ANKRD11: variants seen among roughly 807,000 people sequenced by gnomAD.
ANKRD11 encodes the protein ankyrin repeat domain 11, also known as ankyrin repeat domain-containing protein 11.
A neutral mutation model predicts 195.7 loss-of-function variants in ANKRD11; 17 were observed. The ratio of observed to expected loss-of-function variants is 0.09; its 90% confidence interval spans 0.06 to 0.13. ANKRD11 has a LOEUF of 0.13. Among genes scored for constraint, ANKRD11 ranks in the 10% least tolerant of loss-of-function variants. ANKRD11 has a pLI of 1.00. For missense variants in ANKRD11, 3,735 were observed against 3,566.1 expected, an observed-to-expected ratio of 1.05 and a Z score of -1.21; for synonymous variants, 1,953 against 1,528.1, an observed-to-expected ratio of 1.28 and a Z score of -6.49.
chr16:89,441,376 C>G (rs983411922), intron 1 of ANKRD11, among the ~76,000 whole-genome samples: 1 of 152,140 alleles, frequency 6.6e-6, no homozygotes. Context: ...ATTACACAGA[C>G]TTTTTTAAGA....
chr16:89,391,692 G>A (rs1371764485), intron 2 of ANKRD11, among the ~76,000 whole-genome samples: 1 of 152,184 alleles, frequency 6.6e-6, no homozygotes, highest in East Asian at 1.9e-4. Context: ...CAATCACTGA[G>A]AGGACAAGCT....
intron 1 of ANKRD11, among the ~76,000 whole-genome samples, chr16:89,424,190 C>T (rs1047359907): frequency 6.6e-6 from 1 of 152,154 alleles, no homozygotes; most frequent in Non-Finnish European, 1.5e-5. Flanking sequence ...TGGCTCACAC[C>T]TATAATCCCA....
chr16:89,372,559 T>C (rs1444697099), intron 2 of ANKRD11, among the ~76,000 whole-genome samples: 1 of 152,184 alleles, frequency 6.6e-6, no homozygotes, highest in East Asian at 1.9e-4. Flanking sequence ...CAAGATGATG[T>C]TGGAGATTTA....
In ANKRD11 at chr16:89,284,794, C is replaced by A. The variant is rs773648685; in HGVS notation, c.1748G>T (p.Gly583Val). ...LTSESDYSSE[G>V]SSVESLKPVR... ...TGGCTTCAGCGATTCCACACTGGAG[C>A]CCTCAGAGGAGTAGTCAGACTCGCT... The change falls in exon 9 of 13, where the codon GGC (glycine) becomes GTC (valine). Residue 583 changes from glycine to valine, a missense_variant. Transcript: ENST00000301030. 1.2e-6 allele frequency: 2 copies of A among 1,613,506 alleles called. No homozygotes were observed. Among genetic ancestry groups the A allele is most frequent in the African/African-American group, 2.7e-5 (2 of 74,888 alleles).
intron 2 of ANKRD11, among the ~76,000 whole-genome samples, chr16:89,387,402 G>T (rs559917920): frequency 3.4e-4 from 52 of 152,124 alleles, no homozygotes; most frequent in Non-Finnish European, 6.8e-4. Context: ...GCCGGGCGCG[G>T]TGGCTCACTC....
In ANKRD11 at chr16:89,487,730, C is replaced by T. The variant is rs774246911; in HGVS notation, c.-145+2515G>A. 2.0e-5 allele frequency among the ~76,000 whole-genome samples: 3 copies of T among 151,832 alleles called. No homozygotes were observed. In the South Asian group the frequency reaches 6.2e-4, roughly 32 times the overall value. Reference sequence around the variant, plus strand: ...CGGAGGTTGCAATGAGCCAAGATTGCGCCACTGCACTCCAGCCTGGGCGAC... The same window carrying T: ...CGGAGGTTGCAATGAGCCAAGATTGTGCCACTGCACTCCAGCCTGGGCGAC... On this transcript the variant is annotated intron_variant, in intron 1 of 12. Coordinates refer to ENST00000301030, the MANE Select transcript of ANKRD11 (RefSeq NM_013275.6).
intron 2 of ANKRD11, among the ~76,000 whole-genome samples, chr16:89,349,082 G>A (rs1405917399): frequency 8.0e-6 from 1 of 125,262 alleles, no homozygotes; most frequent in Non-Finnish European, 1.6e-5. Context: ...GAGTCTAGAT[G>A]GCACCACTGC....
At chr16:89,415,356 C>T (rs1200256656) in intron 2 of ANKRD11, among the ~76,000 whole-genome samples, 5 of 149,194 alleles carry the variant, frequency 3.4e-5, no homozygotes, top group Non-Finnish European at 7.4e-5. Context: ...GCTCCGCCTC[C>T]CAGGTTCACG....
intron 3 of ANKRD11, among the ~76,000 whole-genome samples, chr16:89,306,372 C>T (rs1190475633): frequency 3.1e-5 from 2 of 64,750 alleles, no homozygotes; most frequent in Non-Finnish European, 5.8e-5. Flanking sequence ...TCCGCAGACA[C>T]GCGCCACTTA....
intron 2 of ANKRD11, among the ~76,000 whole-genome samples, chr16:89,411,259 C>G (rs552437349): frequency 1.3e-5 from 2 of 152,238 alleles, no homozygotes; most frequent in African/African-American, 2.4e-5. Flanking sequence ...CCTTTTTGCT[C>G]TACTTCTCTT....
chr16:89,337,362 T>G (rs1225031040), intron 2 of ANKRD11, among the ~76,000 whole-genome samples: 9 of 145,136 alleles, frequency 6.2e-5, no homozygotes, highest in Middle Eastern at 3.5e-3. Context: ...GGATTTGCCA[T>G]CAGACACTCA....
chr16:89,432,482 C>A (rs1378873514), intron 1 of ANKRD11, among the ~76,000 whole-genome samples: 7 of 152,130 alleles, frequency 4.6e-5, no homozygotes. Flanking sequence ...AAACACCTTC[C>A]AGTTTAGGAG....
At chr16:89,319,935 C>G (rs28630389) in intron 2 of ANKRD11, 1 of 152,458 alleles carries the variant, frequency 6.6e-6, no homozygotes, top group Non-Finnish European at 1.5e-5. Flanking sequence ...CCCACACTGC[C>G]CTGTGTTCCC....
Position 89,280,186 on chromosome 16 carries a change from G to A in ANKRD11, c.6356C>T (p.Pro2119Leu). The change falls in exon 9 of 13, where the codon CCC becomes CTC. Residue 2119 changes from proline (P) to leucine (L), a missense_variant. Pro to Leu is a moderately conservative substitution (Grantham distance 98). Transcript: ENST00000301030. ...LSHLGQVEPV[P>L]WADAFAGPED... Reference sequence around the variant, plus strand: ...GGGGCCGGCGAAGGCGTCCGCCCAGGGCACCGGCTCCACCTGGCCGAGGTG... The same window carrying A: ...GGGGCCGGCGAAGGCGTCCGCCCAGAGCACCGGCTCCACCTGGCCGAGGTG... The A allele has an allele frequency of 6.2e-7, 1 of 1,609,104 alleles. No homozygotes were observed. Among genetic ancestry groups the A allele is most frequent in the South Asian group, 1.1e-5 (1 of 90,896 alleles).
At position 89,280,274 on chromosome 16, in the gene ANKRD11, C is replaced by G; in HGVS notation, c.6268G>C (p.Ala2090Pro). 6.2e-7 allele frequency: 1 copy of G among 1,608,846 alleles called. No homozygotes were observed. Among genetic ancestry groups the G allele is most frequent in the Non-Finnish European group, 8.5e-7 (1 of 1,178,958 alleles). Residue 2090 changes from alanine (A) to proline (P), a missense_variant, in exon 9 of 13, where the codon GCT becomes CCT. Transcript: ENST00000301030. ...APEPACVAAVAQVEALGPLEN... is the reference protein window; with the variant it reads ...APEPACVAAVPQVEALGPLEN... ...AGGGGCCCCAGAGCCTCCACCTGAG[C>G]CACAGCGGCTACACAGGCGGGCTCG...
At chr16:89,311,190 T>C (rs1454140947) in intron 3 of ANKRD11, among the ~76,000 whole-genome samples, 1 of 152,240 alleles carries the variant, frequency 6.6e-6, no homozygotes, top group Non-Finnish European at 1.5e-5. Context: ...CTTGAACTGA[T>C]TGATATTGGA....
chr16:89,447,158 C>A (rs1018692341), intron 1 of ANKRD11, among the ~76,000 whole-genome samples: 1 of 152,086 alleles, frequency 6.6e-6, no homozygotes, highest in Non-Finnish European at 1.5e-5. Flanking sequence ...CGTCCAACAC[C>A]AGTGGCCTCC....
At chr16:89,437,504 C>T (rs555697776) in intron 1 of ANKRD11, among the ~76,000 whole-genome samples, 3 of 152,190 alleles carry the variant, frequency 2.0e-5, no homozygotes, top group South Asian at 4.2e-4. Flanking sequence ...CTGAGCAGCC[C>T]CTCACTTCCC....
chr16:89,478,060 C>T (rs539362039), intron 1 of ANKRD11, among the ~76,000 whole-genome samples: 1 of 152,102 alleles, frequency 6.6e-6, no homozygotes, highest in East Asian at 1.9e-4. Flanking sequence ...CCCAAAAAAT[C>T]AAAAAAGAAA....
Sources: gnomAD v4.1 joint callset for allele counts (sites outside exome capture counted in the v4.1 genomes callset) on GRCh38, gnomAD v4.1.1 for gene constraint, MANE v1.5 for transcripts, NCBI Gene and HGNC (gene_info 2026-07-23, HGNC 2026-07-21) for gene names.